Variants in IL1RAPL1 observed in about 807,000 individuals in gnomAD.
IL1RAPL1 encodes interleukin-1 receptor accessory protein-like 1.
IL1RAPL1 carries 3 observed loss-of-function variants against 48.4 expected under a neutral mutation model. The ratio of observed to expected loss-of-function variants is 0.06; its 90% CI spans 0.03 to 0.16. The LOEUF (loss-of-function observed/expected upper bound fraction) is 0.16. IL1RAPL1 is among the 10% of genes least tolerant of loss of function. The pLI is 1.00. For missense variants in IL1RAPL1, 349 were observed against 530.6 expected (o/e 0.66, Z 3.36); for synonymous variants, 185 against 187.7 (o/e 0.99, Z 0.12).
At chrX:29,143,903 C>T (rs904434641) in intron 2 of IL1RAPL1, among the ~76,000 whole-genome samples, 1 of 111,541 alleles carries the variant, frequency 9.0e-6, no homozygotes, top group Non-Finnish European at 1.9e-5. Flanking sequence ...GAGGGAACTA[C>T]GATATGTCGA....
At chrX:29,037,507 CTATTT>C (rs1926755144) in intron 2 of IL1RAPL1, among the ~76,000 whole-genome samples, 1 of 111,673 alleles carries the variant, frequency 9.0e-6, no homozygotes, top group African/African-American at 3.3e-5. Flanking sequence ...GTCCCCTTCT[CTATTT>C]TAACAATCAA....
chrX:29,741,935 G>GAAAAAAAA (rs1182352727), intron 6 of IL1RAPL1, among the ~76,000 whole-genome samples: 8 of 61,814 alleles, frequency 1.3e-4, no homozygotes, highest in Admixed American at 4.2e-4. Flanking sequence ...AAAAAAAAAA[G>GAAAAAAAA]AAAAAAAAAA....
At chrX:28,653,862 T>C (rs1393000487) in intron 1 of IL1RAPL1, among the ~76,000 whole-genome samples, 2 of 111,943 alleles carry the variant, frequency 1.8e-5, no homozygotes, top group Non-Finnish European at 3.8e-5. Context: ...ATTTTGTAAT[T>C]AGATCTCTCA....
chrX:29,058,815 G>T (rs146420041), intron 2 of IL1RAPL1, among the ~76,000 whole-genome samples: 1 of 111,882 alleles, frequency 8.9e-6, no homozygotes, highest in Non-Finnish European at 1.9e-5. Context: ...TAAGTGGAAC[G>T]TGACTCTCTT....
At chrX:29,888,785 CTA>C (rs758502177) in intron 6 of IL1RAPL1, among the ~76,000 whole-genome samples, 3 of 111,743 alleles carry the variant, frequency 2.7e-5, no homozygotes, top group Non-Finnish European at 3.8e-5. Flanking sequence ...ATTCATTATG[CTA>C]TAATAAAACC....
intron 6 of IL1RAPL1, among the ~76,000 whole-genome samples, chrX:29,740,655 C>T (rs1176662144): frequency 8.9e-6 from 1 of 111,796 alleles, no homozygotes; most frequent in Non-Finnish European, 1.9e-5. Context: ...AGTGCTTTAA[C>T]AAGTCTTCTC....
At chrX:29,173,161 A>G (rs1486814357) in intron 2 of IL1RAPL1, among the ~76,000 whole-genome samples, 2 of 111,688 alleles carry the variant, frequency 1.8e-5, no homozygotes, top group East Asian at 2.8e-4. Context: ...GGTCCAAGGA[A>G]CATACTTACA....
intron 2 of IL1RAPL1, among the ~76,000 whole-genome samples, chrX:29,276,523 G>C (rs1932121687): frequency 9.0e-6 from 1 of 111,477 alleles, no homozygotes; most frequent in Non-Finnish European, 1.9e-5. Flanking sequence ...ATAAGCGATT[G>C]TGTTAACACC....
intron 2 of IL1RAPL1, among the ~76,000 whole-genome samples, chrX:28,952,005 T>C (rs931335399): frequency 6.3e-5 from 7 of 110,763 alleles, no homozygotes; most frequent in African/African-American, 2.3e-4. Context: ...TCATATACTC[T>C]CTGGCCGTGG....
chrX:29,059,769 A>G (rs1255007230), intron 2 of IL1RAPL1, among the ~76,000 whole-genome samples: 1 of 111,836 alleles, frequency 8.9e-6, no homozygotes, highest in Non-Finnish European at 1.9e-5. Context: ...TTGTGAATGA[A>G]ATTTTTATTT....
intron 2 of IL1RAPL1, among the ~76,000 whole-genome samples, chrX:29,280,896 G>A (rs777796304): frequency 1.4e-3 from 154 of 112,157 alleles, no homozygotes; most frequent in African/African-American, 4.8e-3. Context: ...GATGGTTGGC[G>A]AAAAATGTTC....
chrX:28,769,330 C>T (rs749551890), intron 1 of IL1RAPL1, among the ~76,000 whole-genome samples: 1 of 110,425 alleles, frequency 9.1e-6, no homozygotes, highest in East Asian at 2.9e-4. Flanking sequence ...TAACATAGAA[C>T]ATAAAATGTC....
intron 1 of IL1RAPL1, among the ~76,000 whole-genome samples, chrX:28,705,460 A>T (rs1216657627): frequency 8.9e-6 from 1 of 112,486 alleles, no homozygotes; most frequent in African/African-American, 3.2e-5. Flanking sequence ...TTCTGTAAAA[A>T]CAAATTATTC....
intron 5 of IL1RAPL1, among the ~76,000 whole-genome samples, chrX:29,454,301 G>T (rs986235991): frequency 8.9e-6 from 1 of 112,134 alleles, no homozygotes; most frequent in African/African-American, 3.2e-5. Flanking sequence ...TCATGTCTGT[G>T]TACTCCTTGA....
At chrX:29,806,851 G>T (rs1930267118) in intron 6 of IL1RAPL1, among the ~76,000 whole-genome samples, 1 of 110,847 alleles carries the variant, frequency 9.0e-6, no homozygotes, top group Admixed American at 9.7e-5. Context: ...GGAGGTGATT[G>T]GATCGTGGGG....
At chrX:29,578,623 A>G (rs777723201) in intron 5 of IL1RAPL1, among the ~76,000 whole-genome samples, 2 of 111,621 alleles carry the variant, frequency 1.8e-5, no homozygotes, top group Non-Finnish European at 3.8e-5. Flanking sequence ...TAAATTTTTA[A>G]GATTTTTAAA....
intron 6 of IL1RAPL1, among the ~76,000 whole-genome samples, chrX:29,887,785 C>T (rs1410893199): frequency 2.7e-5 from 3 of 110,736 alleles, no homozygotes; most frequent in African/African-American, 9.9e-5. Context: ...TTAATAAGTT[C>T]GTCCTCTTTT....
intron 5 of IL1RAPL1, among the ~76,000 whole-genome samples, chrX:29,506,437 T>C (rs1031276134): frequency 3.7e-4 from 32 of 86,227 alleles, no homozygotes; most frequent in African/African-American, 1.4e-3. Flanking sequence ...CTCCTTCTCC[T>C]TCTCCTCCTC....
intron 2 of IL1RAPL1, among the ~76,000 whole-genome samples, chrX:29,065,370 T>C (rs2147436492): frequency 8.9e-6 from 1 of 111,830 alleles, no homozygotes; most frequent in South Asian, 3.8e-4. Flanking sequence ...TTGTTTCTGC[T>C]GAGAAGTGAG....
Sources: allele counts gnomAD v4.1 joint callset (sites outside exome capture counted in the v4.1 genomes callset), GRCh38; gene constraint gnomAD v4.1.1; transcripts MANE v1.5; gene names NCBI Gene and HGNC (gene_info 2026-07-23, HGNC 2026-07-21).